The following CDYL variants were observed in gnomAD, a reference collection of about 807,000 sequenced individuals.
CDYL encodes chromodomain Y-like protein.
A neutral mutation model predicts 47.3 loss-of-function variants in CDYL; 8 were observed. The ratio of observed to expected loss-of-function variants is 0.17; its 90% CI spans 0.10 to 0.31. CDYL has a LOEUF of 0.31. Among genes scored for constraint, CDYL ranks in the 10% least tolerant of loss-of-function variants. CDYL has a pLI of 1.00. For synonymous variants in CDYL, 266 were observed against 265.0 expected (o/e 1.00, Z -0.04); for missense variants, 471 against 701.4 (o/e 0.67, Z 3.71).
At chr6:4,915,414 G>A (rs6924037) in intron 2 of CDYL, among the ~76,000 whole-genome samples, 135,145 of 152,158 alleles carry the variant, frequency 0.89, 60,079 homozygotes, top group Admixed American at 0.93. Flanking sequence ...AAGCCCTGCA[G>A]CTTGGAATGT....
At chr6:4,721,165 A>ATT (rs1757362143) in intron 2 of CDYL, among the ~76,000 whole-genome samples, 1 of 152,200 alleles carries the variant, frequency 6.6e-6, no homozygotes, top group East Asian at 1.9e-4. Context: ...TAGGGAAACA[A>ATT]TAAACTATTA....
chr6:4,831,542 G>A (rs1000149113), intron 1 of CDYL, among the ~76,000 whole-genome samples: 6 of 152,166 alleles, frequency 3.9e-5, no homozygotes, highest in Admixed American at 2.6e-4. Flanking sequence ...TTTTGGCTTA[G>A]GAATGACTTG....
intron 3 of CDYL, among the ~76,000 whole-genome samples, chr6:4,770,580 C>T (rs1175712010): frequency 6.6e-6 from 1 of 152,096 alleles, no homozygotes; most frequent in East Asian, 1.9e-4. Flanking sequence ...TTAAACTTCA[C>T]ATTCATTTTG....
At chr6:4,810,341 G>A (rs1316609361) in intron 1 of CDYL, among the ~76,000 whole-genome samples, 2 of 152,096 alleles carry the variant, frequency 1.3e-5, no homozygotes, top group African/African-American at 4.8e-5. Context: ...TTCTCAGAGG[G>A]TGCTACTTTT....
chr6:4,888,334 T>C (rs1761953395), intron 1 of CDYL, among the ~76,000 whole-genome samples: 1 of 152,172 alleles, frequency 6.6e-6, no homozygotes, highest in Non-Finnish European at 1.5e-5. Context: ...TGATCAGTCT[T>C]ATATAGGCCT....
At chr6:4,746,280 C>T (rs576970721) in intron 3 of CDYL, among the ~76,000 whole-genome samples, 1 of 151,252 alleles carries the variant, frequency 6.6e-6, no homozygotes, top group Admixed American at 6.6e-5. Context: ...AGGAGAATCA[C>T]TTGAACCCGG....
chr6:4,715,895 G>A (rs776354028), intron 2 of CDYL: 1 of 1,611,668 alleles, frequency 6.2e-7, no homozygotes, highest in Non-Finnish European at 8.5e-7. Context: ...AGAACTTGCA[G>A]GAATCAAATT....
intron 2 of CDYL, among the ~76,000 whole-genome samples, chr6:4,913,571 A>T (rs1319456560): frequency 1.3e-5 from 2 of 152,356 alleles, no homozygotes; most frequent in Non-Finnish European, 2.9e-5. Flanking sequence ...ACAATTTTAG[A>T]TTTAAAAACA....
chr6:4,880,074 G>T (rs561145156), intron 1 of CDYL, among the ~76,000 whole-genome samples: 1 of 151,858 alleles, frequency 6.6e-6, no homozygotes, highest in Non-Finnish European at 1.5e-5. Flanking sequence ...TTACATCAGG[G>T]TTCACTCTTG....
chr6:4,807,069 A>G lies in CDYL; in HGVS notation c.24+30262A>G, dbSNP rs114179434. On this transcript the variant is annotated intron_variant, in intron 1 of 6. Coordinates refer to ENST00000397588, the MANE Select transcript of CDYL (RefSeq NM_004824.4). ...GTGCACCGGTGTCTGTGTGTGTCCA[A>G]ATTTCTTCGTATGAGGACACCAGTC... is the stretch of plus-strand genomic sequence containing the variant. Among the ~76,000 whole-genome samples the G allele has an allele frequency of 8.4e-3, 1,277 of 152,226 alleles. 21 individuals are homozygous for G. Among genetic ancestry groups the G allele is most frequent in the African/African-American group, 0.03 (1,226 of 41,514 alleles).
chr6:4,912,693 G>T (rs931028735), intron 2 of CDYL, among the ~76,000 whole-genome samples: 1 of 152,210 alleles, frequency 6.6e-6, no homozygotes, highest in Non-Finnish European at 1.5e-5. Context: ...TAGATGCTGA[G>T]GAGTCCAGGA....
chr6:4,953,721 A>G (rs934609114), intron 6 of CDYL, among the ~76,000 whole-genome samples, 177 bp from the exon 7 acceptor site: 1 of 152,218 alleles, frequency 6.6e-6, no homozygotes, highest in Admixed American at 6.5e-5. Flanking sequence ...CCCAGTGCCA[A>G]GTGTGAAATG....
intron 1 of CDYL, among the ~76,000 whole-genome samples, chr6:4,835,499 G>T (rs993336645): frequency 3.3e-5 from 5 of 152,246 alleles, no homozygotes; most frequent in African/African-American, 1.2e-4. Context: ...GTGCCTCCCA[G>T]TTAGGCTGCT....
At chr6:4,928,252 TTGTGTGTGTA>T (rs1220737710) in intron 2 of CDYL, among the ~76,000 whole-genome samples, 1 of 152,090 alleles carries the variant, frequency 6.6e-6, no homozygotes, top group Non-Finnish European at 1.5e-5. Flanking sequence ...ACCACACCTT[TTGTGTGTGTA>T]TGTGTGTGTG....
At chr6:4,792,049 A>ATTTTTTTTTTTTTTTTTTTTTTT (rs768229405) in intron 1 of CDYL, among the ~76,000 whole-genome samples, 1 of 137,658 alleles carries the variant, frequency 7.3e-6, no homozygotes, top group Admixed American at 7.3e-5. Context: ...CGCCCGGCTA[A>ATTTTTTTTTTTTTTTTTTTTTTT]TTTTTTTTTT....
intron 4 of CDYL, among the ~76,000 whole-genome samples, chr6:4,939,673 T>C (rs1298672532): frequency 1.3e-5 from 2 of 152,190 alleles, no homozygotes; most frequent in African/African-American, 4.8e-5. Context: ...GTTCTTCAGT[T>C]TAAGATTAAA....
chr6:4,825,431 A>G (rs1759955427), intron 1 of CDYL, among the ~76,000 whole-genome samples: 1 of 152,138 alleles, frequency 6.6e-6, no homozygotes, highest in Admixed American at 6.5e-5. Context: ...TACTCTGGCT[A>G]TAACTTCCAG....
chr6:4,830,895 T>C (rs1760123144), intron 1 of CDYL, among the ~76,000 whole-genome samples: 2 of 152,082 alleles, frequency 1.3e-5, no homozygotes, highest in Admixed American at 1.3e-4. Flanking sequence ...AGAATGATGA[T>C]TTGCAGTTTC....
At chr6:4,916,027 C>A (rs1282565374) in intron 2 of CDYL, among the ~76,000 whole-genome samples, 1 of 152,222 alleles carries the variant, frequency 6.6e-6, no homozygotes, top group Non-Finnish European at 1.5e-5. Flanking sequence ...ACCCCGCCAC[C>A]CCATCCTGCC....
Sources: allele counts gnomAD v4.1 joint callset (sites outside exome capture counted in the v4.1 genomes callset), GRCh38; gene constraint gnomAD v4.1.1; transcripts MANE v1.5; gene names NCBI Gene and HGNC (gene_info 2026-07-23, HGNC 2026-07-21).